The following RCOR1 variants were observed in gnomAD, a reference collection of about 807,000 sequenced individuals.
RCOR1 encodes REST corepressor.
RCOR1 carries 12 observed loss-of-function variants against 64.0 expected under a neutral mutation model. That is an observed-to-expected ratio of 0.19 (90% CI 0.12 to 0.30). The LOEUF is 0.30. Ranked by LOEUF, RCOR1 falls within the 10% of genes least tolerant of loss-of-function variation. The probability of loss-of-function intolerance (pLI) is 1.00; values close to 1 mark genes in which losing one functional copy is unlikely to be tolerated. For missense variants in RCOR1, 502 were observed against 621.2 expected (o/e 0.81, Z 2.04); for synonymous variants, 279 against 227.2 (o/e 1.23, Z -2.05).
At chr14:102,705,251 T>C (rs139361617) in intron 4 of RCOR1, among the ~76,000 whole-genome samples, 2 of 152,282 alleles carry the variant, frequency 1.3e-5, no homozygotes, top group East Asian at 1.9e-4. Context: ...TACCTTGTTT[T>C]GTGGCTGTGA....
At chr14:102,707,280 T>G in intron 4 of RCOR1, 71 bp from the exon 5 acceptor site, 2 of 1,335,420 alleles carry the variant, frequency 1.5e-6, no homozygotes, top group Non-Finnish European at 2.0e-6. Context: ...TTTACTTTTC[T>G]TTTGCTGGTC....
At chr14:102,712,710 G>GT (rs1460454494) in intron 7 of RCOR1, among the ~76,000 whole-genome samples, 6 of 143,866 alleles carry the variant, frequency 4.2e-5, no homozygotes, top group Admixed American at 1.4e-4. Context: ...GAAATTGGTC[G>GT]TTTTTTTCTG....
At chr14:102,707,537 C>A in intron 5 of RCOR1, 25 bp downstream of exon 5, 2 of 1,560,816 alleles carry the variant, frequency 1.3e-6, no homozygotes, top group Non-Finnish European at 1.7e-6. Flanking sequence ...CCACTGAGTT[C>A]TATTTTTTTT....
chr14:102,635,467 G>A (rs1035937204), intron 2 of RCOR1, among the ~76,000 whole-genome samples: 1 of 152,124 alleles, frequency 6.6e-6, no homozygotes, highest in Non-Finnish European at 1.5e-5. Flanking sequence ...TCACTCCACT[G>A]CACTCCAGTC....
chr14:102,676,622 C>T (rs1473851707), intron 2 of RCOR1, among the ~76,000 whole-genome samples: 1 of 88,216 alleles, frequency 1.1e-5, no homozygotes, highest in African/African-American at 5.0e-5. Flanking sequence ...GGCGGCTGGC[C>T]AGGTGGGGGG....
At chr14:102,636,549 TG>T (rs1894241911) in intron 2 of RCOR1, among the ~76,000 whole-genome samples, 1 of 152,020 alleles carries the variant, frequency 6.6e-6, no homozygotes, top group Non-Finnish European at 1.5e-5. Flanking sequence ...CCCAAAGTGC[TG>T]AGAATACAGG....
chr14:102,713,524 C>T (rs187041044), intron 7 of RCOR1, among the ~76,000 whole-genome samples: 2,009 of 151,962 alleles, frequency 0.013, 21 homozygotes, highest in Admixed American at 0.017. Context: ...CTTCGTGATC[C>T]GCCCGCCTCA....
Position 102,644,916 on chromosome 14 carries a change from C to T in RCOR1, c.362-36979C>T, listed in dbSNP as rs60536874. Among the ~76,000 whole-genome samples, 1,481 of 152,246 alleles carry T rather than the reference C, an allele frequency of 9.7e-3. 23 individuals carry two copies. The highest frequency in any genetic ancestry group is 0.034 in the African/African-American group (1,414 of 41,528). On this transcript the variant is annotated intron_variant, in intron 2 of 11. Coordinates refer to ENST00000262241, the MANE Select transcript of RCOR1 (RefSeq NM_015156.4). ...AATTTTGTTTTGTCTTCTGAGTTAC[C>T]CTTTTCCCTAAGAAATGGCTGATTT...
chr14:102,676,589 G>A (rs1307719917), intron 2 of RCOR1, among the ~76,000 whole-genome samples: 13 of 84,992 alleles, frequency 1.5e-4, no homozygotes, highest in East Asian at 4.4e-4. Context: ...GCCGGGCAGA[G>A]GCGCCCCTCA....
At chr14:102,714,717 A>G (rs1380113756) in intron 8 of RCOR1, 100 bp downstream of exon 8, 1 of 941,928 alleles carries the variant, frequency 1.1e-6, no homozygotes, top group South Asian at 2.0e-5. Context: ...GCAAATCTCA[A>G]AGGAGCATTT....
At chr14:102,616,691 C>T (rs1275114621) in intron 2 of RCOR1, among the ~76,000 whole-genome samples, 4 of 152,152 alleles carry the variant, frequency 2.6e-5, no homozygotes, top group Admixed American at 6.5e-5. Flanking sequence ...ATGGGCCACC[C>T]TCCCCTCACA....
intron 2 of RCOR1, among the ~76,000 whole-genome samples, chr14:102,660,400 T>C (rs894888642): frequency 2.4e-4 from 36 of 152,280 alleles, no homozygotes; most frequent in African/African-American, 7.5e-4. Flanking sequence ...TCCCCCCTTT[T>C]TTGAGATGGG....
Position 102,721,067 on chromosome 14 carries a change from C to A in RCOR1, c.1114C>A (p.Pro372Thr). 6.4e-7 allele frequency: 1 copy of A among 1,571,912 alleles called. No homozygotes were observed. The highest frequency in any genetic ancestry group is 8.7e-7 in the Non-Finnish European group (1 of 1,151,484). The stretch of plus-strand genomic sequence containing the variant: ...AGAAAAACTTGATGGTGGAATAGAA[C>A]CATATCGACTTCCAGAGGTAGGATT... Reference protein sequence around the residue: ...LKEKLDGGIEPYRLPEVIQKC... With the variant: ...LKEKLDGGIETYRLPEVIQKC... Residue 372 changes from proline to threonine, a missense_variant, in exon 9 of 12, where the codon CCA (proline) becomes ACA (threonine). By Grantham distance (38) the Pro-to-Thr change is conservative. Coordinates refer to ENST00000262241, the MANE Select transcript of RCOR1 (RefSeq NM_015156.4).
At chr14:102,593,723 C>T (rs955167896) in intron 2 of RCOR1, among the ~76,000 whole-genome samples, 1 of 152,264 alleles carries the variant, frequency 6.6e-6, no homozygotes, top group South Asian at 2.1e-4. Flanking sequence ...AGGAGGTCCC[C>T]AGAGACCCCT....
intron 2 of RCOR1, among the ~76,000 whole-genome samples, chr14:102,632,891 A>G: frequency 6.6e-6 from 1 of 150,622 alleles, no homozygotes. Flanking sequence ...AGCCCCCTGC[A>G]GCCTCAAACT....
rs1894172744 is a variant in RCOR1 at position 102,633,602 on chromosome 14, T to C, written c.361+40277T>C. On this transcript the variant is annotated intron_variant, in intron 2 of 11. Transcript: ENST00000262241. ...TCACCCAGGCTAGACTACAATGGCATGATCTCAGCTTACAGCAACTTCTGC... is the reference window on the plus strand; with the variant it reads ...TCACCCAGGCTAGACTACAATGGCACGATCTCAGCTTACAGCAACTTCTGC... 2.6e-5 allele frequency among the ~76,000 whole-genome samples: 4 copies of C among 152,266 alleles called. No homozygotes were observed. The South Asian group carries it at 8.3e-4, about 32-fold the overall frequency.
intron 2 of RCOR1, among the ~76,000 whole-genome samples, chr14:102,669,710 C>T (rs1025939865): frequency 6.6e-6 from 1 of 152,188 alleles, no homozygotes; most frequent in Non-Finnish European, 1.5e-5. Context: ...AACTAAGGCA[C>T]GTCAAAGTAC....
At chr14:102,595,111 T>C (rs1893215379) in intron 2 of RCOR1, among the ~76,000 whole-genome samples, 1 of 152,230 alleles carries the variant, frequency 6.6e-6, no homozygotes, top group African/African-American at 2.4e-5. Flanking sequence ...AGTTATACTT[T>C]TCTTTGAAAC....
intron 2 of RCOR1, among the ~76,000 whole-genome samples, chr14:102,676,315 A>T (rs1895151558): frequency 7.1e-6 from 1 of 141,800 alleles, no homozygotes; most frequent in East Asian, 2.2e-4. Flanking sequence ...CACCTCCCGG[A>T]TGGGGCGGCT....
Sources: allele counts gnomAD v4.1 joint callset (sites outside exome capture counted in the v4.1 genomes callset), GRCh38; gene constraint gnomAD v4.1.1; transcripts MANE v1.5; gene names NCBI Gene and HGNC (gene_info 2026-07-23, HGNC 2026-07-21).